The following HOOK2 variants were observed in gnomAD, a reference collection of about 807,000 sequenced individuals.
The protein encoded by HOOK2 is hook microtubule tethering protein 2.
Under a neutral mutation model 111.9 loss-of-function variants are expected in HOOK2, and 108 were observed. The ratio of observed to expected loss-of-function variants is 0.96; its 90% CI spans 0.83 to 1.13. HOOK2 has a LOEUF of 1.13. Among genes scored for constraint, HOOK2 ranks in the 50% most tolerant of loss-of-function variants. The pLI is 0.00. For missense variants in HOOK2, 978 were observed against 951.3 expected (o/e 1.03, Z -0.37); for synonymous variants, 405 against 394.3 (o/e 1.03, Z -0.32).
chr19:12,771,171 T>C lies in HOOK2; in HGVS notation c.749A>G (p.Glu250Gly). Reference sequence around the variant, plus strand: ...CAGCTGACCACACCTGAAGTTCTCCTCCTGCAACTGCTCCAGCTGGGATTG... The same window carrying C: ...CAGCTGACCACACCTGAAGTTCTCCCCCTGCAACTGCTCCAGCTGGGATTG... ...LLQSQLEQLQ[E>G]ENFRLESGRE... is the part of the protein sequence containing the mutation. The change falls in exon 9 of 23, where the codon GAG (glutamate) becomes GGG (glycine). Residue 250 changes from glutamate to glycine, a missense_variant. By Grantham distance (98) the Glu-to-Gly change is moderately conservative. Coordinates refer to ENST00000397668, the MANE Select transcript of HOOK2 (RefSeq NM_013312.3). 2 of 1,613,584 alleles carry C rather than the reference T, an allele frequency of 1.2e-6. No individual in the cohort carries two copies. The highest frequency in any genetic ancestry group is 2.2e-5 in the East Asian group (1 of 44,872).
At chr19:12,772,329 G>A (rs1968361597) in intron 6 of HOOK2, 77 bp from the exon 7 acceptor site, 9 of 1,479,590 alleles carry the variant, frequency 6.1e-6, no homozygotes, top group Non-Finnish European at 8.5e-6. Context: ...TCCAACCTGA[G>A]AACCTCTCCA....
At chr19:12,767,317 T>TGGGA in intron 14 of HOOK2, 78 bp downstream of exon 14, 1 of 1,203,834 alleles carries the variant, frequency 8.3e-7, no homozygotes, top group Admixed American at 1.8e-5. Flanking sequence ...TAGCAGAAGA[T>TGGGA]GGGAGGGCGG....
Position 12,767,808 on chromosome 19 carries a change from C to T in HOOK2, c.1303+8G>A, listed in dbSNP as rs1394910129. On this transcript the variant is annotated splice_region_variant and intron_variant, in intron 13 of 22. Coordinates refer to ENST00000397668, the MANE Select transcript of HOOK2 (RefSeq NM_013312.3). ...CAGGTAAGACCCCGGGATGGGGCTT[C>T]ATCTCACCGGCCTGGGTCAACCCCC... 1.9e-6 allele frequency: 3 copies of T among 1,600,298 alleles called. No individual in the cohort carries two copies. The highest frequency in any genetic ancestry group is 4.5e-5 in the East Asian group (2 of 44,874).
intron 6 of HOOK2, 111 bp downstream of exon 6, chr19:12,772,501 TC>T: frequency 8.0e-7 from 1 of 1,242,930 alleles, no homozygotes; most frequent in Non-Finnish European, 1.1e-6. Flanking sequence ...CCAGCTGAGT[TC>T]CAGGCAGAGT....
At chr19:12,764,947 C>A (rs369317280) in intron 19 of HOOK2, 30 bp from the exon 20 acceptor site, 14 of 1,612,010 alleles carry the variant, frequency 8.7e-6, no homozygotes, top group Admixed American at 8.3e-5. Flanking sequence ...ATCAGCTCCA[C>A]GCTGCTGGGC....
intron 3 of HOOK2, chr19:12,792,081 A>G: frequency 1.2e-6 from 2 of 1,604,814 alleles, no homozygotes; most frequent in Non-Finnish European, 1.7e-6. Flanking sequence ...GACGACGCCT[A>G]CACCCCCGGG....
Position 12,771,216 on chromosome 19 carries a change from G to A in HOOK2, c.704C>T (p.Ala235Val), listed in dbSNP as rs1285346850. Residue 235 changes from alanine to valine, a missense_variant, in exon 9 of 23, where the codon GCC (alanine) becomes GTC (valine). Around this residue, in one of 5 missense-constraint regions of HOOK2, gnomAD observed 7 missense variants for 22.2 expected, o/e 0.32. Transcript: ENST00000397668. ...PEGEGTPGLTAKKLLLLQSQL... is the reference protein window; with the variant it reads ...PEGEGTPGLTVKKLLLLQSQL... ...GGATTGCAGCAGCAGCAGCTTCTTG[G>A]CAGTGAGACCTGGGGTACCCTCGCC... 1.9e-6 allele frequency: 3 copies of A among 1,612,036 alleles called. No individual in the cohort carries two copies. Among genetic ancestry groups the A allele is most frequent in the African/African-American group, 1.3e-5 (1 of 74,928 alleles).
chr19:12,791,919 C>G lies in HOOK2; in HGVS notation n.42-17694G>C, dbSNP rs1313767820. On this transcript the variant is annotated intron_variant and non_coding_transcript_variant, in intron 3 of 3. Coordinates refer to the HOOK2 transcript ENST00000589765. This position sits in a 1 kb window ranked among gnomAD's most constrained non-coding sequence, Gnocchi z 7.0. ...CAACCTGGCCGACCCCTACCGGAGT[C>G]TCAAAGCGCCTGGGGCTCGCGGACC... is the stretch of plus-strand genomic sequence containing the variant. 9 of 1,613,156 alleles carry G rather than the reference C, an allele frequency of 5.6e-6. No homozygotes were observed. The highest frequency in any genetic ancestry group is 7.6e-6 in the Non-Finnish European group (9 of 1,179,852).
At position 12,771,094 on chromosome 19, in the gene HOOK2, C is replaced by G. The variant is rs377322207; in HGVS notation, c.762-22G>C. ...CAGCCTGGGGGTGTTGGGGGAAGAGCACATGAGGGGGCTGCCCTCCCCCGG... is the reference window on the plus strand; with the variant it reads ...CAGCCTGGGGGTGTTGGGGGAAGAGGACATGAGGGGGCTGCCCTCCCCCGG... On this transcript the variant is annotated intron_variant, in intron 9 of 22. Transcript: ENST00000397668. The G allele has an allele frequency of 2.5e-6, 4 of 1,611,638 alleles. No individual in the cohort carries two copies. In the South Asian group the frequency reaches 3.3e-5, roughly 13 times the overall value.
upstream of HOOK2, among the ~76,000 whole-genome samples, chr19:12,780,795 A>G (rs1318870075): frequency 8.0e-3 from 790 of 98,830 alleles, 1 homozygote; most frequent in Middle Eastern, 0.076. Flanking sequence ...TGGCTAACAC[A>G]GTGAAACCCC....
chr19:12,776,673 C>CAAA (rs59092661), upstream of HOOK2, among the ~76,000 whole-genome samples: 7,194 of 95,470 alleles, frequency 0.075, 338 homozygotes, highest in African/African-American at 0.14. Flanking sequence ...CAAGACTCCT[C>CAAA]AAAAAAAAAA....
Position 12,765,910 on chromosome 19 carries a change from T to A in HOOK2, c.1599+17A>T, listed in dbSNP as rs555381456. Reference sequence around the variant, plus strand: ...CACAAGGGAGGGCCAGGCTGGGAGGTGGTGGGTGACACTCACATCTTCAGT... The same window carrying A: ...CACAAGGGAGGGCCAGGCTGGGAGGAGGTGGGTGACACTCACATCTTCAGT... On this transcript the variant is annotated intron_variant, in intron 16 of 22. Coordinates refer to ENST00000397668, the MANE Select transcript of HOOK2 (RefSeq NM_013312.3). 3 of 1,611,912 alleles carry A rather than the reference T, an allele frequency of 1.9e-6. No homozygotes were observed. The highest frequency in any genetic ancestry group is 4.5e-5 in the East Asian group (2 of 44,788).
At chr19:12,772,373 C>G in intron 6 of HOOK2, 121 bp from the exon 7 acceptor site, 1 of 1,200,986 alleles carries the variant, frequency 8.3e-7, no homozygotes, top group Non-Finnish European at 1.2e-6. Context: ...CCCAATAACC[C>G]CAGCCCAGAG....
At chr19:12,780,157 A>G (rs1187077467), upstream of HOOK2, among the ~76,000 whole-genome samples, 1 of 152,136 alleles carries the variant, frequency 6.6e-6, no homozygotes, top group African/African-American at 2.4e-5. Flanking sequence ...CTCAAAAACA[A>G]CAACAACCAA....
Position 12,775,504 on chromosome 19 carries a change from C to T in HOOK2, c.-55G>A. 6.4e-7 allele frequency: 1 copy of T among 1,574,698 alleles called. No homozygotes were observed. The highest frequency in any genetic ancestry group is 8.6e-7 in the Non-Finnish European group (1 of 1,163,234). ...GGAGCCCCGGCGCCGCAGCAGCCTC[C>T]GGGTCCGCCACCAGCGAGCGCCCGC... On this transcript the variant is annotated 5_prime_UTR_variant, in exon 1 of 23. Transcript: ENST00000397668.
chr19:12,770,790 T>G, intron 10 of HOOK2, 142 bp downstream of exon 10: 1 of 992,966 alleles, frequency 1.0e-6, no homozygotes, highest in Admixed American at 2.6e-5. Flanking sequence ...GGGCTCAGGG[T>G]GGCACTGTGG....
At chr19:12,765,405 C>G in intron 18 of HOOK2, 1 of 585,810 alleles carries the variant, frequency 1.7e-6, no homozygotes, top group South Asian at 2.0e-5. Context: ...CATCCAGCAG[C>G]CAGGGATCTT....
Position 12,765,683 on chromosome 19 carries a change from G to T in HOOK2, c.1640+7C>A. On this transcript the variant is annotated splice_region_variant and intron_variant, in intron 18 of 22. Coordinates refer to ENST00000397668, the MANE Select transcript of HOOK2 (RefSeq NM_013312.3). ...CCCACGAGGAGTTCCCTCTTTCTGC[G>T]ACTTACAAATGTTCCTCCAGCTTCC... 6.2e-7 allele frequency: 1 copy of T among 1,614,084 alleles called. No homozygotes were observed. Among genetic ancestry groups the T allele is most frequent in the South Asian group, 1.1e-5 (1 of 91,072 alleles).
chr19:12,772,113 G>T, intron 7 of HOOK2, 77 bp downstream of exon 7: 1 of 1,113,486 alleles, frequency 9.0e-7, no homozygotes, highest in Non-Finnish European at 1.4e-6. Flanking sequence ...GTTAATCACA[G>T]CAAACTTATC....
Sources: gnomAD v4.1 joint callset for allele counts (sites outside exome capture counted in the v4.1 genomes callset) on GRCh38, gnomAD v4.1.1 for gene constraint, gnomAD v4.1.1 regional missense constraint, Gnocchi (gnomAD v3.1) non-coding constraint, MANE v1.5 for transcripts, NCBI Gene and HGNC (gene_info 2026-07-23, HGNC 2026-07-21) for gene names.